FRMD3: variants seen among roughly 807,000 people sequenced by gnomAD.
FRMD3 encodes FERM domain-containing protein 3.
In FRMD3, 33 loss-of-function variants were observed where a neutral mutation model predicts 70.2. The observed-to-expected ratio is 0.47, with a 90% CI of 0.36 to 0.63. The LOEUF (loss-of-function observed/expected upper bound fraction) is 0.63, where lower values mean the gene tolerates loss of function less well. Among genes scored for constraint, FRMD3 ranks in the 20% least tolerant of loss-of-function variants. FRMD3 has a pLI of 0.00. For synonymous variants in FRMD3, 279 were observed against 255.9 expected, an observed-to-expected ratio of 1.09 and a Z score of -0.86; for missense variants, 632 against 711.4, an observed-to-expected ratio of 0.89 and a Z score of 1.27.
At chr9:83,478,767 A>T (rs967432385) in intron 1 of FRMD3, among the ~76,000 whole-genome samples, 11 of 152,216 alleles carry the variant, frequency 7.2e-5, no homozygotes, top group African/African-American at 2.7e-4. Flanking sequence ...ACTGGCAAAT[A>T]AATTTCAAAA....
At chr9:83,451,223 T>C (rs1827644525) in intron 1 of FRMD3, among the ~76,000 whole-genome samples, 1 of 152,188 alleles carries the variant, frequency 6.6e-6, no homozygotes, top group Non-Finnish European at 1.5e-5. Flanking sequence ...GTATTTTCCA[T>C]ACTACACATG....
downstream of FRMD3, chr9:83,244,537 A>G: frequency 3.2e-6 from 1 of 308,278 alleles, no homozygotes. Context: ...ACCTCATTTC[A>G]TGGTCCTAGA....
At chr9:83,394,271 G>A (rs528470432) in intron 1 of FRMD3, among the ~76,000 whole-genome samples, 18 of 152,206 alleles carry the variant, frequency 1.2e-4, no homozygotes, top group Admixed American at 4.6e-4. Flanking sequence ...ATAATTCTGG[G>A]CATCTCAAAA....
At chr9:83,395,211 C>A (rs946122036) in intron 1 of FRMD3, among the ~76,000 whole-genome samples, 5 of 149,844 alleles carry the variant, frequency 3.3e-5, no homozygotes, top group Non-Finnish European at 7.4e-5. Flanking sequence ...TTTTACAGAT[C>A]CTTTTAGATA....
intron 1 of FRMD3, among the ~76,000 whole-genome samples, chr9:83,414,196 A>T (rs972001849): frequency 2.0e-5 from 3 of 152,174 alleles, no homozygotes; most frequent in African/African-American, 7.2e-5. Flanking sequence ...TGGGTGATGG[A>T]AATGTTCTAA....
rs1171797793 is a variant in FRMD3, at chr9:83,247,589, A to T, written c.*329T>A. On this transcript the variant is annotated 3_prime_UTR_variant, in exon 14 of 14. Coordinates refer to ENST00000304195, the MANE Select transcript of FRMD3 (RefSeq NM_174938.6). Reference sequence around the variant, plus strand: ...GAACCTTATAGCTTATAATGGTGCCAACTATTAGAAATGGGAAAATCTAAT... The same window carrying T: ...GAACCTTATAGCTTATAATGGTGCCTACTATTAGAAATGGGAAAATCTAAT... 3 of 1,032,396 alleles carry T rather than the reference A, an allele frequency of 2.9e-6. No individual in the cohort carries two copies. Among genetic ancestry groups the T allele is most frequent in the Non-Finnish European group, 3.5e-6 (3 of 858,058 alleles). The allele number at this position is 1,032,396 out of a possible 1,614,324, so 64.0% of individuals were successfully genotyped here.
intron 1 of FRMD3, among the ~76,000 whole-genome samples, chr9:83,474,202 G>A (rs1047916425): frequency 1.3e-5 from 2 of 152,156 alleles, no homozygotes; most frequent in Non-Finnish European, 2.9e-5. Flanking sequence ...AAAAACATCA[G>A]CATGACAAAG....
chr9:83,499,070 C>G (rs1341557784), intron 1 of FRMD3, among the ~76,000 whole-genome samples: 1 of 152,170 alleles, frequency 6.6e-6, no homozygotes, highest in African/African-American at 2.4e-5. Context: ...ACAGGAAAAG[C>G]TGGTGAAGCT....
intron 1 of FRMD3, among the ~76,000 whole-genome samples, chr9:83,434,527 C>T (rs1311837347): frequency 6.6e-6 from 1 of 152,198 alleles, no homozygotes; most frequent in African/African-American, 2.4e-5. Context: ...CTAAACTCAC[C>T]CATCCCTTCC....
At chr9:83,495,407 T>C (rs1364904042) in intron 1 of FRMD3, among the ~76,000 whole-genome samples, 1 of 152,158 alleles carries the variant, frequency 6.6e-6, no homozygotes, top group Non-Finnish European at 1.5e-5. Flanking sequence ...AGCAGGTTAA[T>C]AAAATGTAGG....
In FRMD3 at chr9:83,520,887, A is replaced by G. The variant is rs556493019; in HGVS notation, c.147+17198T>C. On this transcript the variant is annotated intron_variant, in intron 1 of 13. Coordinates refer to ENST00000304195, the MANE Select transcript of FRMD3 (RefSeq NM_174938.6). ...CGCCTGTAATCCCAAGACTTTGGGA[A>G]GCTGAGGTGGGTGGACCACCTGAGA... 1.2e-3 allele frequency among the ~76,000 whole-genome samples: 180 copies of G among 150,238 alleles called. 1 individual carries two copies. The highest frequency in any genetic ancestry group is 4.2e-3 in the African/African-American group (172 of 40,794).
intron 3 of FRMD3, among the ~76,000 whole-genome samples, chr9:83,363,916 A>G (rs1304456944): frequency 6.6e-6 from 1 of 152,200 alleles, no homozygotes; most frequent in South Asian, 2.1e-4. Context: ...TGGCTTTATC[A>G]GTTTACACAC....
chr9:83,289,381 T>A (rs1334250328), intron 13 of FRMD3, among the ~76,000 whole-genome samples: 1 of 152,226 alleles, frequency 6.6e-6, no homozygotes, highest in Non-Finnish European at 1.5e-5. Context: ...AGACAAGTAG[T>A]GTCTTCTAAG....
chr9:83,564,516 G>A, the FRMD3 span, among the ~76,000 whole-genome samples: 2 of 152,284 alleles, frequency 1.3e-5, no homozygotes, highest in Admixed American at 1.3e-4. Flanking sequence ...GCCCAACTGA[G>A]AACAATATGT....
intron 1 of FRMD3, among the ~76,000 whole-genome samples, chr9:83,479,357 AGG>A (rs1375065550): frequency 1.9e-5 from 2 of 104,550 alleles, no homozygotes; most frequent in Admixed American, 1.0e-4. Flanking sequence ...GAGGAGGAGG[AGG>A]AGGAAGAAGA....
At chr9:83,502,226 T>C (rs1217544071) in intron 1 of FRMD3, among the ~76,000 whole-genome samples, 1 of 152,174 alleles carries the variant, frequency 6.6e-6, no homozygotes, top group East Asian at 1.9e-4. Flanking sequence ...GTCCCTGCTG[T>C]GTACCGGGTA....
At chr9:83,349,834 G>A (rs537501450) in intron 3 of FRMD3, 77 bp from the exon 4 acceptor site, 28 of 1,109,144 alleles carry the variant, frequency 2.5e-5, no homozygotes, top group Middle Eastern at 1.9e-4. Flanking sequence ...AAAGGCAGCC[G>A]TGCAGCCTGA....
At chr9:83,577,900 A>AT in the FRMD3 span, among the ~76,000 whole-genome samples, 2 of 151,902 alleles carry the variant, frequency 1.3e-5, no homozygotes, top group African/African-American at 4.8e-5. Flanking sequence ...TAAGAGTTGC[A>AT]TTTTTAAAAG....
intron 1 of FRMD3, among the ~76,000 whole-genome samples, chr9:83,504,110 T>C (rs908290364): frequency 3.9e-5 from 6 of 152,188 alleles, no homozygotes; most frequent in African/African-American, 1.4e-4. Context: ...TCTGTGGTGA[T>C]AGCCCTTGGA....
Sources: allele counts gnomAD v4.1 joint callset (sites outside exome capture counted in the v4.1 genomes callset), GRCh38; gene constraint gnomAD v4.1.1; transcripts MANE v1.5; gene names NCBI Gene and HGNC (gene_info 2026-07-23, HGNC 2026-07-21).